The following CELF1 variants were observed in gnomAD, a reference collection of about 807,000 sequenced individuals.
CELF1 encodes 50 kDa nuclear polyadenylated RNA-binding protein.
Under a neutral mutation model 61.8 loss-of-function variants are expected in CELF1, and 10 were observed. The ratio of observed to expected loss-of-function variants is 0.16; its 90% CI spans 0.10 to 0.27. The LOEUF (loss-of-function observed/expected upper bound fraction) is 0.27. CELF1 is among the 10% of genes least tolerant of loss of function. The probability of loss-of-function intolerance (pLI) is 1.00; values close to 1 mark genes in which losing one functional copy is unlikely to be tolerated. For missense variants in CELF1, 380 were observed against 639.1 expected (o/e 0.59, Z 4.37); for synonymous variants, 236 against 225.1 (o/e 1.05, Z -0.43).
chr11:47,554,712 A>T (rs2153788198), upstream of CELF1, among the ~76,000 whole-genome samples: 1 of 149,442 alleles, frequency 6.7e-6, no homozygotes, highest in East Asian at 2.0e-4. Flanking sequence ...CCCAGGCTGG[A>T]GTGCAGTGGC....
chr11:47,549,147 G>A (rs2097066293), intron 1 of CELF1, among the ~76,000 whole-genome samples: 1 of 152,110 alleles, frequency 6.6e-6, no homozygotes, highest in South Asian at 2.1e-4. Flanking sequence ...GAACCCTTGT[G>A]TACTACTGGC....
chr11:47,538,560 G>A (rs1294060659), intron 1 of CELF1, among the ~76,000 whole-genome samples: 3 of 149,684 alleles, frequency 2.0e-5, no homozygotes, highest in East Asian at 2.0e-4. Flanking sequence ...GGAGAATGGC[G>A]TGAACCCGGG....
At chr11:47,519,829 T>C (rs2153646701) in intron 1 of CELF1, among the ~76,000 whole-genome samples, 1 of 151,652 alleles carries the variant, frequency 6.6e-6, no homozygotes, top group East Asian at 1.9e-4. Flanking sequence ...TGCCACTGCA[T>C]TCCAGCCTGG....
At chr11:47,561,137 C>A (rs367908534) in intron 2 of CELF1, among the ~76,000 whole-genome samples, 675 of 105,882 alleles carry the variant, frequency 6.4e-3, no homozygotes, top group Non-Finnish European at 7.1e-3. Context: ...GACTCTGTCT[C>A]AAAAAAAAAA....
chr11:47,551,052 A>C (rs946796422), intron 1 of CELF1, among the ~76,000 whole-genome samples: 5 of 152,166 alleles, frequency 3.3e-5, no homozygotes, highest in Admixed American at 6.6e-5. Flanking sequence ...AAAAAAAAAA[A>C]ACATAACCTT....
In CELF1 at chr11:47,484,380, A is replaced by G. The variant is rs757893366; in HGVS notation, c.526+9T>C. 7 of 1,602,234 alleles carry G rather than the reference A, an allele frequency of 4.4e-6. No individual in the cohort carries two copies. The Admixed American group carries it at 1.3e-4, about 29-fold the overall frequency. ...ACCAAAAGATTATTTAAAAGCTAAA[A>G]CTACCTACCTCGGCTCAGGCCATCA... is the stretch of plus-strand genomic sequence containing the variant. On this transcript the variant is annotated intron_variant, in intron 7 of 14. Coordinates refer to ENST00000687097, the MANE Select transcript of CELF1 (RefSeq NM_001376376.1).
chr11:47,558,565 T>TAATATATAAATATATATATTTATATATA (rs1565921541), intron 2 of CELF1, among the ~76,000 whole-genome samples: 3 of 106,486 alleles, frequency 2.8e-5, no homozygotes, highest in Non-Finnish European at 5.4e-5. Flanking sequence ...TATTTATATA[T>TAATATATAAATATATATATTTATATATA]AATATATAAA....
At chr11:47,503,102 T>C (rs2094127681) in intron 1 of CELF1, among the ~76,000 whole-genome samples, 1 of 152,208 alleles carries the variant, frequency 6.6e-6, no homozygotes, top group Non-Finnish European at 1.5e-5. Context: ...TAAGTGAAGG[T>C]AGGAGTAGTC....
At chr11:47,535,158 A>G (rs986636439) in intron 1 of CELF1, among the ~76,000 whole-genome samples, 3 of 152,168 alleles carry the variant, frequency 2.0e-5, no homozygotes, top group South Asian at 2.1e-4. Flanking sequence ...CGCCTGATCC[A>G]TAATAGTTTG....
chr11:47,542,837 G>A (rs1170317965), intron 1 of CELF1, among the ~76,000 whole-genome samples: 1 of 151,614 alleles, frequency 6.6e-6, no homozygotes, highest in Non-Finnish European at 1.5e-5. Context: ...CTCATCTTTA[G>A]AAAATATCAA....
At chr11:47,501,837 T>C (rs1212614382) in intron 1 of CELF1, among the ~76,000 whole-genome samples, 1 of 151,918 alleles carries the variant, frequency 6.6e-6, no homozygotes, top group Non-Finnish European at 1.5e-5. Flanking sequence ...CAAAAAAAAA[T>C]CCTTTAAAAA....
chr11:47,528,021 G>A (rs751365534), intron 1 of CELF1, among the ~76,000 whole-genome samples: 11 of 152,080 alleles, frequency 7.2e-5, no homozygotes, highest in Non-Finnish European at 1.5e-4. Flanking sequence ...GGTTGAACCC[G>A]AGAGGCGGAG....
intron 2 of CELF1, among the ~76,000 whole-genome samples, chr11:47,563,617 A>T (rs1392848834): frequency 1.3e-5 from 2 of 152,090 alleles, no homozygotes; most frequent in Admixed American, 1.3e-4. Context: ...TGAACCCGGG[A>T]GGTGGAGGTT....
At chr11:47,542,628 G>C (rs1029367651) in intron 1 of CELF1, among the ~76,000 whole-genome samples, 12 of 151,722 alleles carry the variant, frequency 7.9e-5, no homozygotes, top group Non-Finnish European at 1.3e-4. Flanking sequence ...CACTTGAGGA[G>C]CTGGGATTAC....
chr11:47,531,917 A>C (rs1181554215), intron 1 of CELF1, among the ~76,000 whole-genome samples: 1 of 152,250 alleles, frequency 6.6e-6, no homozygotes, highest in African/African-American at 2.4e-5. Flanking sequence ...TAGGCATGAC[A>C]TAATTCCTTT....
At chr11:47,494,271 A>T in intron 3 of CELF1, 2 of 502,378 alleles carry the variant, frequency 4.0e-6, no homozygotes, top group Non-Finnish European at 5.1e-6. Flanking sequence ...AAAGGGATGA[A>T]ACCTACCCCC....
intron 1 of CELF1, among the ~76,000 whole-genome samples, chr11:47,522,328 C>G (rs947459164): frequency 6.6e-6 from 1 of 150,628 alleles, no homozygotes; most frequent in Non-Finnish European, 1.5e-5. Flanking sequence ...GAGTTGGAGA[C>G]CAGCCTGGCC....
At chr11:47,528,892 A>G (rs2096362213) in intron 1 of CELF1, among the ~76,000 whole-genome samples, 1 of 148,830 alleles carries the variant, frequency 6.7e-6, no homozygotes, top group Non-Finnish European at 1.5e-5. Context: ...CCCTGCCTCA[A>G]AAAAAAAAAG....
intron 1 of CELF1, among the ~76,000 whole-genome samples, chr11:47,552,718 G>A (rs756218373): frequency 6.6e-6 from 1 of 152,202 alleles, no homozygotes; most frequent in Admixed American, 6.5e-5. Context: ...TAAAGGGCGC[G>A]GGGAGAGGAA....
Sources: gnomAD v4.1 joint callset for allele counts (sites outside exome capture counted in the v4.1 genomes callset) on GRCh38, gnomAD v4.1.1 for gene constraint, MANE v1.5 for transcripts, NCBI Gene and HGNC (gene_info 2026-07-23, HGNC 2026-07-21) for gene names.